JAM3: variants seen among roughly 807,000 people sequenced by gnomAD.
The protein encoded by JAM3 is junctional adhesion molecule 3.
JAM3 carries 31 observed loss-of-function variants against 39.4 expected under a neutral mutation model. The ratio of observed to expected loss-of-function variants is 0.79; its 90% CI spans 0.59 to 1.06. JAM3 has a LOEUF of 1.06. Among genes scored for constraint, JAM3 ranks in the 50% least tolerant of loss-of-function variants. The pLI is 0.00. For missense variants in JAM3, 455 were observed against 391.4 expected (o/e 1.16, Z -1.37); for synonymous variants, 182 against 148.7 (o/e 1.22, Z -1.63).
At chr11:134,083,131 T>C (rs974938238) in intron 1 of JAM3, among the ~76,000 whole-genome samples, 1 of 152,198 alleles carries the variant, frequency 6.6e-6, no homozygotes, top group South Asian at 2.1e-4. Flanking sequence ...TGCATGTAAT[T>C]TTAGAGATGC....
rs975947703 is a variant in JAM3, at chr11:134,150,908, T to G, written c.*1727T>G. On this transcript the variant is annotated 3_prime_UTR_variant, in exon 9 of 9. Coordinates refer to ENST00000299106, the MANE Select transcript of JAM3 (RefSeq NM_032801.5). ...CTGGCGGGGAGGAAAGTGAAACGCC[T>G]GAATCAAAAGCAGTTTTCTAATTTT... is the stretch of plus-strand genomic sequence containing the variant. 5.9e-5 allele frequency: 9 copies of G among 152,202 alleles called. No individual in the cohort carries two copies. Among genetic ancestry groups the G allele is most frequent in the Admixed American group, 5.2e-4 (8 of 15,282 alleles). 9.4% of individuals were successfully genotyped at this position (152,202 alleles called of 1,614,324 possible). A position where few individuals can be genotyped will look rare whatever the true frequency, so the allele number is the denominator to read the frequency against.
chr11:134,091,491 T>TC (rs2120638411), intron 1 of JAM3, among the ~76,000 whole-genome samples: 1 of 150,992 alleles, frequency 6.6e-6, no homozygotes, highest in Non-Finnish European at 1.5e-5. Flanking sequence ...AGAGCAAGAC[T>TC]CCATCTCTAA....
chr11:134,073,200 C>T (rs1374626997), intron 1 of JAM3, among the ~76,000 whole-genome samples: 1 of 152,108 alleles, frequency 6.6e-6, no homozygotes, highest in African/African-American at 2.4e-5. Flanking sequence ...AGAGTTAGCC[C>T]TTGTTTCTGA....
chr11:134,120,369 TAGAG>T (rs1942509084), intron 1 of JAM3, among the ~76,000 whole-genome samples: 1 of 152,216 alleles, frequency 6.6e-6, no homozygotes. Context: ...TATAACTCCT[TAGAG>T]AGCCAGACAT....
rs1407968987 is a variant in JAM3, at chr11:134,150,794, G to T, written c.*1613G>T. 6.6e-6 allele frequency: 1 copy of T among 152,142 alleles called. No individual in the cohort carries two copies. Among genetic ancestry groups the T allele is most frequent in the East Asian group, 1.9e-4 (1 of 5,196 alleles). 9.4% of individuals were successfully genotyped at this position (152,142 alleles called of 1,614,324 possible). A position where few individuals can be genotyped will look rare whatever the true frequency, so the allele number is the denominator to read the frequency against. ...CAGAGAAAGCACCCAGACGCCACAGGCTCTGTCGCATTTCAAAACAAACCA... is the reference window on the plus strand; with the variant it reads ...CAGAGAAAGCACCCAGACGCCACAGTCTCTGTCGCATTTCAAAACAAACCA... On this transcript the variant is annotated 3_prime_UTR_variant, in exon 9 of 9. Transcript: ENST00000299106.
intron 1 of JAM3, among the ~76,000 whole-genome samples, chr11:134,121,361 T>G (rs1354530030): frequency 6.6e-6 from 1 of 152,140 alleles, no homozygotes; most frequent in Non-Finnish European, 1.5e-5. Context: ...AACACAGTAG[T>G]TCCAGAGAAG....
chr11:134,146,984 C>T (rs996464850), intron 6 of JAM3, among the ~76,000 whole-genome samples: 4 of 152,184 alleles, frequency 2.6e-5, no homozygotes, highest in African/African-American at 7.2e-5. Context: ...AGATTCGAGC[C>T]CACCTCAGAC....
chr11:134,122,964 C>A (rs1363829183), intron 1 of JAM3, among the ~76,000 whole-genome samples: 3 of 152,160 alleles, frequency 2.0e-5, no homozygotes, highest in Admixed American at 1.3e-4. Context: ...TCTGGGATAT[C>A]CACTTAGTTT....
At chr11:134,132,919 T>G (rs1942794544) in intron 1 of JAM3, among the ~76,000 whole-genome samples, 1 of 152,210 alleles carries the variant, frequency 6.6e-6, no homozygotes. Context: ...CTGCAGAGGC[T>G]TCTTCTCCTG....
intron 1 of JAM3, among the ~76,000 whole-genome samples, chr11:134,131,025 G>A (rs554259150): frequency 4.6e-5 from 7 of 152,208 alleles, no homozygotes; most frequent in Admixed American, 2.6e-4. Flanking sequence ...AGGAAATTAC[G>A]ACTCTCAAAA....
At chr11:134,126,161 T>G (rs571415420) in intron 1 of JAM3, among the ~76,000 whole-genome samples, 1 of 152,314 alleles carries the variant, frequency 6.6e-6, no homozygotes, top group East Asian at 1.9e-4. Context: ...TGTGGACAAC[T>G]GTCCATAAAG....
intron 1 of JAM3, among the ~76,000 whole-genome samples, chr11:134,080,015 C>T (rs1941638854): frequency 6.6e-6 from 1 of 151,910 alleles, no homozygotes; most frequent in Non-Finnish European, 1.5e-5. Flanking sequence ...TTTAAATCTA[C>T]AGCTTTACTT....
At chr11:134,082,754 C>A (rs1484225775) in intron 1 of JAM3, among the ~76,000 whole-genome samples, 3 of 152,092 alleles carry the variant, frequency 2.0e-5, no homozygotes, top group Non-Finnish European at 4.4e-5. Context: ...TAATACAATG[C>A]ATATACATGA....
chr11:134,139,965 T>TCTACTGGACAC, intron 2 of JAM3, 49 bp downstream of exon 2: 1 of 1,408,254 alleles, frequency 7.1e-7, no homozygotes, highest in Non-Finnish European at 1.0e-6. Context: ...CTACTGGACA[T>TCTACTGGACAC]TTGATGTCTT....
chr11:134,072,019 A>G (rs753558777), intron 1 of JAM3, among the ~76,000 whole-genome samples: 3 of 152,200 alleles, frequency 2.0e-5, no homozygotes, highest in Non-Finnish European at 4.4e-5. Flanking sequence ...TTATCCACAC[A>G]ACCCCTAAGC....
intron 6 of JAM3, among the ~76,000 whole-genome samples, chr11:134,146,845 G>T (rs1233630451): frequency 6.6e-6 from 1 of 152,158 alleles, no homozygotes; most frequent in Non-Finnish European, 1.5e-5. Context: ...GGATTAACAG[G>T]CATGAGCCAC....
intron 1 of JAM3, chr11:134,070,347 G>A (rs903817946): frequency 1.0e-4 from 40 of 395,366 alleles, no homozygotes; most frequent in African/African-American, 7.5e-4. Context: ...GTCATCCCAT[G>A]ATGTTTTCCA....
chr11:134,138,969 G>A (rs1040952208), intron 1 of JAM3, among the ~76,000 whole-genome samples: 4 of 152,290 alleles, frequency 2.6e-5, no homozygotes, highest in East Asian at 1.9e-4. Context: ...TTTCTTTAGC[G>A]GTTATCATAA....
chr11:134,085,287 A>G (rs1941729994), intron 1 of JAM3, among the ~76,000 whole-genome samples: 1 of 152,206 alleles, frequency 6.6e-6, no homozygotes. Flanking sequence ...TGAAGTAGAA[A>G]GAAACCATTC....
Sources: allele counts gnomAD v4.1 joint callset (sites outside exome capture counted in the v4.1 genomes callset), GRCh38; gene constraint gnomAD v4.1.1; transcripts MANE v1.5; gene names NCBI Gene and HGNC (gene_info 2026-07-23, HGNC 2026-07-21).